The following STXBP5L variants were observed in gnomAD, a reference collection of about 807,000 sequenced individuals.
The protein encoded by STXBP5L is syntaxin-binding protein 5-like.
A neutral mutation model predicts 144.5 loss-of-function variants in STXBP5L; 65 were observed. The ratio of observed to expected loss-of-function variants is 0.45; its 90% CI spans 0.37 to 0.55. The LOEUF is 0.55. STXBP5L is among the 20% of genes least tolerant of loss of function. The probability of loss-of-function intolerance (pLI) is 0.00; values close to 1 mark genes in which losing one functional copy is unlikely to be tolerated. For missense variants in STXBP5L, 1,298 were observed against 1,405.5 expected, an observed-to-expected ratio of 0.92 and a Z score of 1.22; for synonymous variants, 505 against 469.6, an observed-to-expected ratio of 1.08 and a Z score of -0.97.
chr3:121,185,459 T>C (rs1375071484), intron 9 of STXBP5L, among the ~76,000 whole-genome samples: 1 of 152,216 alleles, frequency 6.6e-6, no homozygotes, highest in Non-Finnish European at 1.5e-5. Context: ...TAATCCATCT[T>C]GAATTAATTT....
At chr3:121,418,942 C>G in intron 26 of STXBP5L, 114 bp from the exon 27 acceptor site, 2 of 1,077,780 alleles carry the variant, frequency 1.9e-6, no homozygotes, top group Non-Finnish European at 2.6e-6. Flanking sequence ...AGAAGCCACT[C>G]AGTTTGATTA....
At chr3:121,197,999 G>A (rs916641112) in intron 9 of STXBP5L, among the ~76,000 whole-genome samples, 2 of 152,128 alleles carry the variant, frequency 1.3e-5, no homozygotes, top group Non-Finnish European at 2.9e-5. Context: ...ATAATCCTTT[G>A]GATATATACC....
chr3:121,390,809 C>G (rs367774154), intron 22 of STXBP5L, among the ~76,000 whole-genome samples: 1 of 151,668 alleles, frequency 6.6e-6, no homozygotes, highest in Non-Finnish European at 1.5e-5. Flanking sequence ...CTCTGGCTGC[C>G]CTTAACATTT....
Position 121,318,459 on chromosome 3 carries a change from T to C in STXBP5L, c.2111-16T>C. On this transcript the variant is annotated splice_polypyrimidine_tract_variant and intron_variant, in intron 19 of 26. Coordinates refer to ENST00000471454, the MANE Select transcript of STXBP5L (RefSeq NM_001308330.2). The stretch of plus-strand genomic sequence containing the variant: ...GCTAGCAAAATTTATCTCATTTTTT[T>C]TCATTGTATTTTCAGGTTTAACTGA... 6.5e-7 allele frequency: 1 copy of C among 1,536,422 alleles called. No individual in the cohort carries two copies. The highest frequency in any genetic ancestry group is 8.7e-7 in the Non-Finnish European group (1 of 1,145,230).
chr3:121,026,243 A>C (rs1462002395), intron 3 of STXBP5L, among the ~76,000 whole-genome samples: 1 of 151,672 alleles, frequency 6.6e-6, no homozygotes, highest in Non-Finnish European at 1.5e-5. Context: ...TCTTTTAATA[A>C]CTCAAGTTAA....
At chr3:121,335,698 G>A (rs1291225803) in intron 20 of STXBP5L, among the ~76,000 whole-genome samples, 5 of 152,120 alleles carry the variant, frequency 3.3e-5, no homozygotes, top group Admixed American at 1.3e-4. Flanking sequence ...AATGGTGCTG[G>A]CATAACTGGC....
chr3:121,197,621 A>T (rs1470469821), intron 9 of STXBP5L, among the ~76,000 whole-genome samples: 1 of 151,988 alleles, frequency 6.6e-6, no homozygotes, highest in African/African-American at 2.4e-5. Context: ...CCCCGCATGC[A>T]TTAGGTATTT....
intron 13 of STXBP5L, among the ~76,000 whole-genome samples, chr3:121,240,020 A>C (rs1267344974): frequency 1.3e-5 from 2 of 152,094 alleles, no homozygotes; most frequent in Non-Finnish European, 2.9e-5. Context: ...AACTATTTAC[A>C]ATTGTAACAG....
intron 3 of STXBP5L, among the ~76,000 whole-genome samples, chr3:120,992,708 G>A (rs1943022877): frequency 6.6e-6 from 1 of 151,920 alleles, no homozygotes; most frequent in Admixed American, 6.6e-5. Flanking sequence ...ATCCATTGAT[G>A]GAAACTTAGC....
intron 3 of STXBP5L, among the ~76,000 whole-genome samples, chr3:120,989,526 G>C (rs577500084): frequency 2.0e-5 from 3 of 152,074 alleles, no homozygotes; most frequent in African/African-American, 4.8e-5. Context: ...TGTAGATTCT[G>C]CATGTGACTT....
At chr3:120,911,156 T>A (rs753280891) in intron 2 of STXBP5L, among the ~76,000 whole-genome samples, 10 of 152,058 alleles carry the variant, frequency 6.6e-5, no homozygotes, top group Non-Finnish European at 1.0e-4. Context: ...GAGGTAAAAC[T>A]GGTATAGGAA....
At chr3:121,078,464 C>T (rs1442212189) in intron 5 of STXBP5L, among the ~76,000 whole-genome samples, 8 of 152,250 alleles carry the variant, frequency 5.3e-5, no homozygotes, top group Admixed American at 2.6e-4. Flanking sequence ...GCCCCGCTGT[C>T]GTCACCCAGT....
At chr3:121,057,138 A>G (rs1191679708) in intron 5 of STXBP5L, among the ~76,000 whole-genome samples, 2 of 151,990 alleles carry the variant, frequency 1.3e-5, no homozygotes, top group Non-Finnish European at 2.9e-5. Flanking sequence ...TAAATGCAAC[A>G]TGGATGAAAC....
Position 120,909,703 on chromosome 3 carries a change from C to G in STXBP5L, c.125C>G (p.Thr42Ser). 6.2e-7 allele frequency: 1 copy of G among 1,612,086 alleles called. No individual in the cohort carries two copies. Among genetic ancestry groups the G allele is most frequent in the Middle Eastern group, 1.7e-4 (1 of 6,046 alleles). Residue 42 changes from threonine (T) to serine (S), a missense_variant, in exon 2 of 27, where the codon ACT (threonine) becomes AGT (serine). Coordinates refer to ENST00000471454, the MANE Select transcript of STXBP5L (RefSeq NM_001308330.2). Reference sequence around the variant, plus strand: ...AGTGGTTCCGTACATCCGGCGGGGACTGCAGGGGTTCTCAGAGAGGAAATT... The same window carrying G: ...AGTGGTTCCGTACATCCGGCGGGGAGTGCAGGGGTTCTCAGAGAGGAAATT... ...AGSGSVHPAG[T>S]AGVLREEIQE... is the part of the protein sequence containing the mutation.
chr3:121,344,242 A>C (rs2044855869), intron 20 of STXBP5L, among the ~76,000 whole-genome samples: 1 of 152,168 alleles, frequency 6.6e-6, no homozygotes. Flanking sequence ...TTATACAAAA[A>C]TTAATTCAAG....
intron 19 of STXBP5L, among the ~76,000 whole-genome samples, chr3:121,316,000 CAAA>C (rs201621147): frequency 1.0e-5 from 1 of 97,322 alleles, no homozygotes; most frequent in African/African-American, 3.4e-5. Context: ...GACTCTGTCT[CAAA>C]AAAAAAAAAA....
chr3:121,305,200 C>T (rs775549956), intron 19 of STXBP5L, among the ~76,000 whole-genome samples: 1 of 152,110 alleles, frequency 6.6e-6, no homozygotes, highest in Non-Finnish European at 1.5e-5. Flanking sequence ...AAACTACAAG[C>T]CACAGGTGGC....
chr3:121,327,229 T>C (rs550396684), intron 20 of STXBP5L, among the ~76,000 whole-genome samples: 60 of 152,256 alleles, frequency 3.9e-4, no homozygotes, highest in African/African-American at 1.2e-3. Context: ...CGAAGTCCCC[T>C]AGACAAAACC....
chr3:121,054,926 C>T (rs1948340243), intron 5 of STXBP5L, among the ~76,000 whole-genome samples: 1 of 152,026 alleles, frequency 6.6e-6, no homozygotes, highest in Non-Finnish European at 1.5e-5. Context: ...TTTCCCCTCA[C>T]AATTGGAATG....
Sources: gnomAD v4.1 joint callset for allele counts (sites outside exome capture counted in the v4.1 genomes callset) on GRCh38, gnomAD v4.1.1 for gene constraint, MANE v1.5 for transcripts, NCBI Gene and HGNC (gene_info 2026-07-23, HGNC 2026-07-21) for gene names.